The following HS3ST4 variants were observed in gnomAD, a reference collection of about 807,000 sequenced individuals.
HS3ST4 encodes the protein heparan sulfate-glucosamine 3-sulfotransferase 4.
A neutral mutation model predicts 29.2 loss-of-function variants in HS3ST4; 17 were observed. The observed-to-expected ratio is 0.58, with a 90% CI of 0.40 to 0.87. The LOEUF (loss-of-function observed/expected upper bound fraction) is 0.87, where lower values mean the gene tolerates loss of function less well. HS3ST4 is among the 40% of genes least tolerant of loss of function. The pLI is 0.00. For synonymous variants in HS3ST4, 314 were observed against 285.7 expected (o/e 1.10, Z -1.00); for missense variants, 627 against 634.5 (o/e 0.99, Z 0.13).
chr16:26,135,744 C>G lies in HS3ST4; in HGVS notation c.867C>G (p.Asn289Lys). The change falls in exon 2 of 2, where the codon AAC becomes AAG. Residue 289 changes from asparagine to lysine, a missense_variant. Physicochemically the swap from Asn to Lys is moderately conservative, Grantham distance 94. This residue lies in a region of HS3ST4 where 225 missense variants were observed against 293.7 expected (regional missense o/e 0.77). Transcript: ENST00000331351. The stretch of plus-strand genomic sequence containing the variant: ...TCAAACTGATTGTGGTGGTGAGAAA[C>G]CCCGTGACCAGGGCCATCTCTGACT... ...KDIKLIVVVR[N>K]PVTRAISDYT... is the part of the protein sequence containing the mutation. The G allele has an allele frequency of 6.2e-7, 1 of 1,614,106 alleles. No individual in the cohort carries two copies. Among genetic ancestry groups the G allele is most frequent in the African/African-American group, 1.3e-5 (1 of 75,020 alleles).
At chr16:25,711,678 C>T (rs1306677938) in intron 1 of HS3ST4, among the ~76,000 whole-genome samples, 1 of 152,140 alleles carries the variant, frequency 6.6e-6, no homozygotes, top group Non-Finnish European at 1.5e-5. Context: ...GTAGTAACAT[C>T]ACTCTCTTGT....
intron 1 of HS3ST4, among the ~76,000 whole-genome samples, chr16:25,909,417 G>A (rs1968214210): frequency 6.6e-6 from 1 of 152,070 alleles, no homozygotes; most frequent in South Asian, 2.1e-4. Flanking sequence ...TTGAGCTCCT[G>A]GACATGCCCC....
At chr16:25,897,314 C>T (rs1968076737) in intron 1 of HS3ST4, among the ~76,000 whole-genome samples, 1 of 151,962 alleles carries the variant, frequency 6.6e-6, no homozygotes, top group Non-Finnish European at 1.5e-5. Flanking sequence ...ATTAGCCAGG[C>T]ATGGTGGTAA....
intron 1 of HS3ST4, among the ~76,000 whole-genome samples, chr16:25,723,180 G>T (rs956527784): frequency 5.3e-5 from 8 of 152,288 alleles, no homozygotes; most frequent in South Asian, 2.1e-4. Flanking sequence ...GATCAGATTT[G>T]GGTAGTGACA....
At chr16:25,965,795 T>C (rs1968836823) in intron 1 of HS3ST4, among the ~76,000 whole-genome samples, 1 of 152,240 alleles carries the variant, frequency 6.6e-6, no homozygotes, top group Non-Finnish European at 1.5e-5. Context: ...TGCAACATTA[T>C]GTCTTTTTAC....
rs188162715 is a variant in HS3ST4, at chr16:25,976,916, G to A, written c.735-158696G>A. On this transcript the variant is annotated intron_variant, in intron 1 of 1. Transcript: ENST00000331351. ...GAAACTATTCTCTGAAATGTAAATT[G>A]CATGTAATTTTCACGTCGCAAAATA... Among the ~76,000 whole-genome samples the A allele has an allele frequency of 3.0e-3, 290 of 96,806 alleles. 4 individuals carry two copies. The highest frequency in any genetic ancestry group is 0.02 in the Middle Eastern group (4 of 202). The allele number at this position is 96,806 out of a possible 152,430, so 63.5% of individuals were successfully genotyped here.
chr16:25,897,897 A>T (rs1025369400), intron 1 of HS3ST4, among the ~76,000 whole-genome samples: 1 of 151,846 alleles, frequency 6.6e-6, no homozygotes, highest in Non-Finnish European at 1.5e-5. Context: ...GACTCTCGCT[A>T]TGTGTGACAG....
chr16:25,977,207 G>A (rs1364464263), intron 1 of HS3ST4, among the ~76,000 whole-genome samples: 8 of 152,136 alleles, frequency 5.3e-5, no homozygotes, highest in South Asian at 4.2e-4. Context: ...ACTAATTCTC[G>A]CTTTGCATGC....
intron 1 of HS3ST4, among the ~76,000 whole-genome samples, chr16:25,888,184 C>T (rs1272633849): frequency 6.6e-6 from 1 of 152,148 alleles, no homozygotes; most frequent in African/African-American, 2.4e-5. Flanking sequence ...TATACTGCTA[C>T]ACTGGAACGG....
chr16:25,887,388 C>T (rs764713666), intron 1 of HS3ST4, among the ~76,000 whole-genome samples: 12 of 152,076 alleles, frequency 7.9e-5, no homozygotes, highest in African/African-American at 1.4e-4. Flanking sequence ...GTTAAAAATA[C>T]GCCTCACAGT....
chr16:25,869,283 G>A (rs1488176863), intron 1 of HS3ST4, among the ~76,000 whole-genome samples: 1 of 152,016 alleles, frequency 6.6e-6, no homozygotes, highest in Non-Finnish European at 1.5e-5. Context: ...TGGAAAGTCT[G>A]TTAAATAATA....
rs1380640539 is a variant in HS3ST4 at position 26,094,194 on chromosome 16, G to T, written c.735-41418G>T. On this transcript the variant is annotated intron_variant, in intron 1 of 1. Transcript: ENST00000331351. ...AAACAAGTTGGAAAACACTCTTCAG[G>T]ATATTATCCAGGAGAACTTGCCTAA... Among the ~76,000 whole-genome samples the T allele has an allele frequency of 5.3e-5, 8 of 152,268 alleles. No individual in the cohort carries two copies. The East Asian group carries it at 1.4e-3, about 26-fold the overall frequency.
chr16:26,088,088 A>G (rs1898811224), intron 1 of HS3ST4, among the ~76,000 whole-genome samples: 1 of 152,130 alleles, frequency 6.6e-6, no homozygotes, highest in Admixed American at 6.5e-5. Context: ...TGAGAGCCTC[A>G]ATTCCTGCCT....
At chr16:26,098,428 T>C (rs1374797872) in intron 1 of HS3ST4, among the ~76,000 whole-genome samples, 1 of 152,132 alleles carries the variant, frequency 6.6e-6, no homozygotes, top group African/African-American at 2.4e-5. Context: ...GTTCATGTCC[T>C]TTGCAGGGAC....
At chr16:25,936,772 A>G (rs1240781107) in intron 1 of HS3ST4, among the ~76,000 whole-genome samples, 1 of 152,250 alleles carries the variant, frequency 6.6e-6, no homozygotes, top group African/African-American at 2.4e-5. Context: ...TTGTAGTCCA[A>G]TGGGATAAAT....
intron 1 of HS3ST4, among the ~76,000 whole-genome samples, chr16:25,807,192 T>A (rs536287166): frequency 6.6e-6 from 1 of 152,292 alleles, no homozygotes; most frequent in East Asian, 1.9e-4. Flanking sequence ...TGGGCTGGTC[T>A]CGAACTCCTG....
chr16:25,701,520 G>A (rs920449978), intron 1 of HS3ST4, among the ~76,000 whole-genome samples: 2 of 152,172 alleles, frequency 1.3e-5, no homozygotes, highest in Non-Finnish European at 2.9e-5. Flanking sequence ...AGTTAAGCCA[G>A]ATGTACGTTA....
chr16:26,010,808 G>C (rs1251567361), intron 1 of HS3ST4, among the ~76,000 whole-genome samples: 1 of 152,222 alleles, frequency 6.6e-6, no homozygotes, highest in Admixed American at 6.5e-5. Context: ...GAAAATTATT[G>C]CGATAACTTA....
intron 1 of HS3ST4, among the ~76,000 whole-genome samples, chr16:25,904,137 TG>T (rs1199889385): frequency 6.7e-4 from 75 of 112,422 alleles, no homozygotes; most frequent in African/African-American, 3.1e-3. Flanking sequence ...GATGGATGGA[TG>T]GATGGATGGA....
Sources: gnomAD v4.1 joint callset for allele counts (sites outside exome capture counted in the v4.1 genomes callset) on GRCh38, gnomAD v4.1.1 for gene constraint, gnomAD v4.1.1 regional missense constraint, MANE v1.5 for transcripts, NCBI Gene and HGNC (gene_info 2026-07-23, HGNC 2026-07-21) for gene names.